The following NFIB variants were observed in gnomAD, a reference collection of about 807,000 sequenced individuals.
NFIB encodes nuclear factor 1 B-type.
NFIB carries 11 observed loss-of-function variants against 61.5 expected under a neutral mutation model. The observed-to-expected ratio is 0.18, with a 90% CI of 0.11 to 0.30. NFIB has a LOEUF of 0.30. Ranked by LOEUF, NFIB falls within the 10% of genes least tolerant of loss-of-function variation. NFIB has a pLI of 1.00. For missense variants in NFIB, 471 were observed against 608.9 expected, an observed-to-expected ratio of 0.77 and a Z score of 2.38; for synonymous variants, 260 against 216.5, an observed-to-expected ratio of 1.20 and a Z score of -1.76.
chr9:14,090,246 G>A (rs551849074), intron 10 of NFIB, among the ~76,000 whole-genome samples: 17 of 152,094 alleles, frequency 1.1e-4, no homozygotes, highest in Admixed American at 5.2e-4. Context: ...AAAAAGACAC[G>A]TCCTCAAAAT....
At chr9:14,314,702 C>G (rs967183686), upstream of NFIB, 1 of 142,754 alleles carries the variant, frequency 7.0e-6, no homozygotes, top group African/African-American at 2.6e-5. Flanking sequence ...CCCCGCCCCC[C>G]CACCTTCCTC....
intron 1 of NFIB, among the ~76,000 whole-genome samples, chr9:14,375,683 G>C (rs1173226194): frequency 1.3e-5 from 2 of 151,888 alleles, no homozygotes; most frequent in Non-Finnish European, 2.9e-5. Context: ...AAAAACCTGG[G>C]AACATTTTCA....
the NFIB span, among the ~76,000 whole-genome samples, chr9:14,429,517 A>G: frequency 6.6e-6 from 1 of 152,218 alleles, no homozygotes; most frequent in Non-Finnish European, 1.5e-5. Context: ...TAGTTAAGTG[A>G]TAACATAACA....
At chr9:14,151,158 T>C (rs141863602) in intron 4 of NFIB, among the ~76,000 whole-genome samples, 2 of 152,118 alleles carry the variant, frequency 1.3e-5, no homozygotes, top group East Asian at 1.9e-4. Context: ...TGAAATGAAA[T>C]AGGTAGTGAT....
chr9:14,445,240 T>C, the NFIB span, among the ~76,000 whole-genome samples: 185 of 152,304 alleles, frequency 1.2e-3, no homozygotes, highest in African/African-American at 4.3e-3. Context: ...GGGTTTTCTA[T>C]TTTGATAATC....
chr9:14,099,178 T>G (rs964689399), intron 10 of NFIB, among the ~76,000 whole-genome samples: 1 of 152,232 alleles, frequency 6.6e-6, no homozygotes, highest in Admixed American at 6.5e-5. Flanking sequence ...AACACCCGTT[T>G]TGCTTTGTCC....
At chr9:14,359,653 C>T (rs904762796) in intron 1 of NFIB, among the ~76,000 whole-genome samples, 1 of 152,148 alleles carries the variant, frequency 6.6e-6, no homozygotes, top group African/African-American at 2.4e-5. Context: ...ATTAATAATA[C>T]ACCAGCTCAC....
chr9:14,329,890 G>A (rs1014251757), intron 1 of NFIB, among the ~76,000 whole-genome samples: 1 of 151,826 alleles, frequency 6.6e-6, no homozygotes, highest in Admixed American at 6.5e-5. Context: ...TTGGGAGGCT[G>A]AGGCAGGCGG....
chr9:14,475,861 G>A, the NFIB span, among the ~76,000 whole-genome samples: 16 of 151,946 alleles, frequency 1.1e-4, no homozygotes, highest in African/African-American at 2.9e-4. Flanking sequence ...CATAATTAGC[G>A]GGCTCCTTTT....
chr9:14,132,664 T>C (rs1349274595), intron 6 of NFIB, among the ~76,000 whole-genome samples: 2 of 151,958 alleles, frequency 1.3e-5, no homozygotes, highest in African/African-American at 4.8e-5. Context: ...AACTCCTGGG[T>C]TCAAGCGATC....
upstream of NFIB, among the ~76,000 whole-genome samples, chr9:14,403,449 T>C (rs536042332): frequency 3.3e-5 from 5 of 152,256 alleles, no homozygotes; most frequent in South Asian, 8.3e-4. Context: ...TATTTTGTAA[T>C]TTTCAGACTC....
chr9:14,311,852 T>G (rs2060294697), intron 1 of NFIB, among the ~76,000 whole-genome samples: 1 of 152,208 alleles, frequency 6.6e-6, no homozygotes, highest in African/African-American at 2.4e-5. Flanking sequence ...TTGTTTTATT[T>G]GATCACGGTG....
chr9:14,211,875 C>CTAGAAAGA (rs1325091053), intron 2 of NFIB, among the ~76,000 whole-genome samples: 1 of 152,340 alleles, frequency 6.6e-6, no homozygotes, highest in Admixed American at 6.5e-5. Flanking sequence ...GAAAGCTCTT[C>CTAGAAAGA]AGCCTCTAGA....
the NFIB span, among the ~76,000 whole-genome samples, chr9:14,524,291 C>T: frequency 3.9e-5 from 6 of 152,110 alleles, no homozygotes; most frequent in African/African-American, 1.4e-4. Flanking sequence ...ATTAAACATT[C>T]ATACCTATAG....
intron 1 of NFIB, among the ~76,000 whole-genome samples, chr9:14,333,995 C>A (rs935370527): frequency 6.6e-6 from 1 of 152,192 alleles, no homozygotes; most frequent in African/African-American, 2.4e-5. Context: ...TGAATTATTT[C>A]GTTCAGCCTT....
At chr9:14,454,521 T>C in the NFIB span, among the ~76,000 whole-genome samples, 1 of 152,264 alleles carries the variant, frequency 6.6e-6, no homozygotes, top group African/African-American at 2.4e-5. Context: ...TTAAGCCACC[T>C]AGACTATGTT....
chr9:14,380,978 G>A (rs2061481449), intron 1 of NFIB, among the ~76,000 whole-genome samples: 1 of 139,648 alleles, frequency 7.2e-6, no homozygotes, highest in East Asian at 2.2e-4. Flanking sequence ...CTCCTTCATT[G>A]TTCATCTGAT....
chr9:14,488,603 T>G, the NFIB span, among the ~76,000 whole-genome samples: 2 of 152,130 alleles, frequency 1.3e-5, no homozygotes, highest in Admixed American at 1.3e-4. Flanking sequence ...GTTCCCCCAG[T>G]CCCTGGCTGG....
chr9:14,459,015 A>T, the NFIB span, among the ~76,000 whole-genome samples: 1 of 152,260 alleles, frequency 6.6e-6, no homozygotes, highest in Non-Finnish European at 1.5e-5. Flanking sequence ...GGAAAAAACT[A>T]CTTTAAAGTT....
Sources: allele counts gnomAD v4.1 joint callset (sites outside exome capture counted in the v4.1 genomes callset), GRCh38; gene constraint gnomAD v4.1.1; transcripts MANE v1.5; gene names NCBI Gene and HGNC (gene_info 2026-07-23, HGNC 2026-07-21).